The following COL5A2 variants were observed in gnomAD, a reference collection of about 807,000 sequenced individuals.
COL5A2 encodes the protein collagen alpha-2(V) chain.
In COL5A2, 23 loss-of-function variants were observed where a neutral mutation model predicts 208.2. That is an observed-to-expected ratio of 0.11 (90% CI 0.08 to 0.16). COL5A2 has a LOEUF of 0.16. Among genes scored for constraint, COL5A2 ranks in the 10% least tolerant of loss-of-function variants. The pLI, the probability that COL5A2 is intolerant of heterozygous loss-of-function variation, is 1.00. For missense variants in COL5A2, 1,590 were observed against 1,956.4 expected (o/e 0.81, Z 3.53); for synonymous variants, 625 against 628.5 (o/e 0.99, Z 0.08).
At chr2:189,276,023 G>A in the COL5A2 span, among the ~76,000 whole-genome samples, 1 of 152,056 alleles carries the variant, frequency 6.6e-6, no homozygotes, top group African/African-American at 2.4e-5. Context: ...GTTTGCATGA[G>A]GTTTAACATT....
At chr2:189,263,214 A>G in the COL5A2 span, among the ~76,000 whole-genome samples, 3 of 152,098 alleles carry the variant, frequency 2.0e-5, no homozygotes, top group Admixed American at 2.0e-4. Context: ...ATTCCCCTAG[A>G]GAGAAGTATC....
chr2:189,374,466 A>T, the COL5A2 span, among the ~76,000 whole-genome samples: 1 of 152,124 alleles, frequency 6.6e-6, no homozygotes, highest in African/African-American at 2.4e-5. Context: ...ACTTAAAGAG[A>T]TGACTGCTAG....
chr2:189,312,931 C>A, the COL5A2 span, among the ~76,000 whole-genome samples: 6 of 150,250 alleles, frequency 4.0e-5, no homozygotes, highest in African/African-American at 1.5e-4. Flanking sequence ...GATAAGCATA[C>A]AAAGATGAGA....
chr2:189,097,649 T>A (rs1686949375), intron 5 of COL5A2: 2 of 531,416 alleles, frequency 3.8e-6, no homozygotes, highest in Non-Finnish European at 7.2e-6. Context: ...TTCTCCCAGG[T>A]AAAGCCTTTG....
chr2:189,195,431 A>G (rs910416423), intron 1 of COL5A2, among the ~76,000 whole-genome samples: 2 of 152,178 alleles, frequency 1.3e-5, no homozygotes, highest in Non-Finnish European at 2.9e-5. Context: ...TCAAACTACG[A>G]TTGACATTCT....
chr2:189,334,274 G>C, the COL5A2 span, among the ~76,000 whole-genome samples: 1 of 151,774 alleles, frequency 6.6e-6, no homozygotes, highest in Non-Finnish European at 1.5e-5. Context: ...TCAAGAAAAA[G>C]AAAAATAGCC....
In COL5A2 at chr2:189,222,816, A is replaced by G. The variant is rs571543916; in HGVS notation, c.-42+2332T>C. ...GAAAGCCTCCCAGAATCCCAACAGT[A>G]TAACTCTGTTACAGGCTGAATACAG... On this transcript the variant is annotated intron_variant, in intron 1 of 10. Transcript: ENST00000649966. 2.6e-5 allele frequency among the ~76,000 whole-genome samples: 4 copies of G among 152,302 alleles called. No individual in the cohort carries two copies. The East Asian group carries it at 5.8e-4, about 22-fold the overall frequency.
At chr2:189,223,654 C>A (rs775933967) in intron 1 of COL5A2, among the ~76,000 whole-genome samples, 5 of 152,092 alleles carry the variant, frequency 3.3e-5, no homozygotes, top group Non-Finnish European at 7.4e-5. Flanking sequence ...TAATTACACA[C>A]AATTATGCAA....
chr2:189,088,854 T>G lies in COL5A2; in HGVS notation c.568-82A>C, dbSNP rs1686722169. On this transcript the variant is annotated intron_variant, in intron 7 of 53. Transcript: ENST00000374866. ...TTTTCATATGGATAAATGTACACTC[T>G]CTAGAATTCTTATAGAATGACTCTT... 1.0e-5 allele frequency: 11 copies of G among 1,053,324 alleles called. No individual in the cohort carries two copies. In the South Asian group the frequency reaches 1.4e-4, roughly 13 times the overall value. The allele number at this position is 1,053,324 out of a possible 1,614,324, so 65.2% of individuals were successfully genotyped here.
chr2:189,320,406 TA>T, the COL5A2 span, among the ~76,000 whole-genome samples: 1 of 152,110 alleles, frequency 6.6e-6, no homozygotes, highest in Non-Finnish European at 1.5e-5. Flanking sequence ...GCAAAGAAGT[TA>T]AAAACCTTGA....
At chr2:189,359,465 C>A in the COL5A2 span, among the ~76,000 whole-genome samples, 1 of 152,082 alleles carries the variant, frequency 6.6e-6, no homozygotes, top group African/African-American at 2.4e-5. Flanking sequence ...CTGTTGAATT[C>A]AATTTGTTAG....
chr2:189,229,178 A>G (rs12472232), upstream of COL5A2, among the ~76,000 whole-genome samples: 123,367 of 151,504 alleles, frequency 0.81, 50,307 homozygotes, highest in East Asian at 0.94. Flanking sequence ...GGTTATATAC[A>G]ACAAGTCCAC....
At chr2:189,436,438 T>A in the COL5A2 span, among the ~76,000 whole-genome samples, 7 of 152,112 alleles carry the variant, frequency 4.6e-5, no homozygotes, top group Admixed American at 3.9e-4. Flanking sequence ...GACGAGTTAA[T>A]GGGTGCAGCA....
At chr2:189,236,623 G>A in the COL5A2 span, among the ~76,000 whole-genome samples, 18 of 151,654 alleles carry the variant, frequency 1.2e-4, no homozygotes, top group Admixed American at 1.2e-3. Flanking sequence ...ATAAAGTTGA[G>A]ATCCTTTTTA....
chr2:189,048,278 G>C lies in COL5A2; in HGVS notation c.3148-16C>G. On this transcript the variant is annotated splice_polypyrimidine_tract_variant and intron_variant, in intron 44 of 53. Coordinates refer to ENST00000374866, the MANE Select transcript of COL5A2 (RefSeq NM_000393.5). ...CAGCTGGACCCTATAAAGAATAATG[G>C]TTTGAAAAACTACTTAACTGAGTAA... The C allele has an allele frequency of 6.2e-7, 1 of 1,612,940 alleles. No individual in the cohort carries two copies. The highest frequency in any genetic ancestry group is 8.5e-7 in the Non-Finnish European group (1 of 1,179,144).
chr2:189,316,784 C>CAAAAAAA, the COL5A2 span, among the ~76,000 whole-genome samples: 1 of 136,870 alleles, frequency 7.3e-6, no homozygotes, highest in African/African-American at 2.7e-5. Context: ...CACTTAAAAG[C>CAAAAAAA]AAAAAAAAAA....
chr2:189,394,844 C>T, the COL5A2 span, among the ~76,000 whole-genome samples: 1 of 152,090 alleles, frequency 6.6e-6, no homozygotes, highest in Non-Finnish European at 1.5e-5. Flanking sequence ...GGTCCTTTCC[C>T]AGAGACTCAC....
intron 5 of COL5A2, 78 bp downstream of exon 5, chr2:189,098,649 A>T: frequency 9.0e-7 from 1 of 1,111,512 alleles, no homozygotes; most frequent in Non-Finnish European, 1.4e-6. Context: ...TTATCTTCTC[A>T]TGGATATAAT....
chr2:189,403,083 C>A, the COL5A2 span, among the ~76,000 whole-genome samples: 2 of 152,102 alleles, frequency 1.3e-5, no homozygotes, highest in African/African-American at 2.4e-5. Context: ...TCTCTAATTT[C>A]TTTGAGCAGT....
Sources: allele counts gnomAD v4.1 joint callset (sites outside exome capture counted in the v4.1 genomes callset), GRCh38; gene constraint gnomAD v4.1.1; transcripts MANE v1.5; gene names NCBI Gene and HGNC (gene_info 2026-07-23, HGNC 2026-07-21).